The following LDB2 variants were observed in gnomAD, a reference collection of about 807,000 sequenced individuals.
LDB2 encodes LIM domain binding 2.
LDB2 carries 12 observed loss-of-function variants against 44.3 expected under a neutral mutation model. That is an observed-to-expected ratio of 0.27 (90% CI 0.17 to 0.44). The LOEUF (loss-of-function observed/expected upper bound fraction) is 0.44, where lower values mean the gene tolerates loss of function less well. LDB2 is among the 20% of genes least tolerant of loss of function. The probability of loss-of-function intolerance (pLI) is 1.00; values close to 1 mark genes in which losing one functional copy is unlikely to be tolerated. For missense variants in LDB2, 344 were observed against 473.5 expected (o/e 0.73, Z 2.54); for synonymous variants, 164 against 174.8 (o/e 0.94, Z 0.49).
Position 16,685,318 on chromosome 4 carries a change from C to T in LDB2, c.235+73840G>A, listed in dbSNP as rs1876195. ...TTCAATAGGTCTTTGTTTCTGCCTC[C>T]CTAAAATCAGGGAGTTAGCTGAGGT... On this transcript the variant is annotated intron_variant, in intron 2 of 7. Transcript: ENST00000304523. Among the ~76,000 whole-genome samples the T allele has an allele frequency of 2.0e-5, 3 of 152,220 alleles. No individual in the cohort carries two copies. In the South Asian group the frequency reaches 6.2e-4, roughly 32 times the overall value.
chr4:16,694,805 A>G (rs1315015299), intron 2 of LDB2, among the ~76,000 whole-genome samples: 1 of 152,188 alleles, frequency 6.6e-6, no homozygotes. Context: ...AGTTGTGGAG[A>G]GGATTTAAAG....
intron 2 of LDB2, among the ~76,000 whole-genome samples, chr4:16,706,598 C>T (rs157629): frequency 0.24 from 37,029 of 152,080 alleles, 5,268 homozygotes; most frequent in Non-Finnish European, 0.33. Flanking sequence ...GTTATTTATG[C>T]GATAGTAGCA....
At chr4:16,870,925 T>C (rs968454654) in intron 1 of LDB2, among the ~76,000 whole-genome samples, 7 of 152,134 alleles carry the variant, frequency 4.6e-5, no homozygotes, top group Non-Finnish European at 8.8e-5. Flanking sequence ...TGAGCCACCA[T>C]GCCCTGCCTC....
At chr4:16,715,901 A>G (rs1178030877) in intron 2 of LDB2, among the ~76,000 whole-genome samples, 1 of 152,146 alleles carries the variant, frequency 6.6e-6, no homozygotes, top group Non-Finnish European at 1.5e-5. Flanking sequence ...AGTGGCAACT[A>G]TGATATCCTT....
intron 1 of LDB2, among the ~76,000 whole-genome samples, chr4:16,781,992 A>G (rs537567681): frequency 1.2e-4 from 19 of 152,338 alleles, no homozygotes; most frequent in African/African-American, 4.3e-4. Context: ...GCTGATTTCT[A>G]GACTCCAGAA....
chr4:16,638,671 G>A (rs1734287050), intron 2 of LDB2, among the ~76,000 whole-genome samples: 1 of 152,084 alleles, frequency 6.6e-6, no homozygotes, highest in Non-Finnish European at 1.5e-5. Context: ...TCCTTTCATT[G>A]ATGTATTCAT....
At chr4:16,656,480 T>C (rs151146372) in intron 2 of LDB2, among the ~76,000 whole-genome samples, 2 of 152,206 alleles carry the variant, frequency 1.3e-5, no homozygotes, top group East Asian at 3.9e-4. Flanking sequence ...ACACTTGAAA[T>C]GTGACTAGTG....
At chr4:16,562,589 C>T (rs1226749142) in intron 5 of LDB2, among the ~76,000 whole-genome samples, 2 of 152,106 alleles carry the variant, frequency 1.3e-5, no homozygotes, top group African/African-American at 4.8e-5. Flanking sequence ...AGGATGTGGA[C>T]AAATAGGAAC....
intron 2 of LDB2, among the ~76,000 whole-genome samples, chr4:16,668,683 T>C (rs993683456): frequency 6.6e-6 from 1 of 152,176 alleles, no homozygotes; most frequent in Admixed American, 6.5e-5. Context: ...TCCAGATTCT[T>C]TAGAGCAAGT....
intron 2 of LDB2, among the ~76,000 whole-genome samples, chr4:16,628,003 C>T (rs1041397012): frequency 1.8e-4 from 28 of 152,198 alleles, no homozygotes; most frequent in East Asian, 9.7e-4. Flanking sequence ...CATGCCTGCA[C>T]GGTTAAAGAA....
rs80111080 is a variant in LDB2, at chr4:16,849,116, T to C, written c.132+49238A>G. Among the ~76,000 whole-genome samples, 502 of 152,294 alleles carry C rather than the reference T, an allele frequency of 3.3e-3. 2 individuals carry two copies. The highest frequency in any genetic ancestry group is 5.5e-3 in the Non-Finnish European group (371 of 68,028). ...ATGCCTTCAATTTAATCCCAGGCCATTTGCTTCATCCATATTCATTTTTTT... is the reference window on the plus strand; with the variant it reads ...ATGCCTTCAATTTAATCCCAGGCCACTTGCTTCATCCATATTCATTTTTTT... On this transcript the variant is annotated intron_variant, in intron 1 of 7. Transcript: ENST00000304523.
rs146324947 is a variant in LDB2, at chr4:16,762,052, C to T, written c.133-2792G>A. On this transcript the variant is annotated intron_variant, in intron 1 of 7. Coordinates refer to ENST00000304523, the MANE Select transcript of LDB2 (RefSeq NM_001290.5). Reference sequence around the variant, plus strand: ...ATAGAAAATAGAAAAATTGGCCAGCCAGGCGTGGTGGTGGGCACATGTAAT... The same window carrying T: ...ATAGAAAATAGAAAAATTGGCCAGCTAGGCGTGGTGGTGGGCACATGTAAT... Among the ~76,000 whole-genome samples the T allele has an allele frequency of 1.5e-4, 23 of 152,174 alleles. No individual in the cohort carries two copies. In the East Asian group the frequency reaches 4.5e-3, roughly 29 times the overall value.
intron 2 of LDB2, chr4:16,674,146 G>T: frequency 1.2e-6 from 1 of 832,910 alleles, no homozygotes; most frequent in Non-Finnish European, 1.7e-6. Context: ...CCCATTTTAC[G>T]CATTTCCAGA....
Position 16,539,558 on chromosome 4 carries a change from C to T in LDB2, c.616-27454G>A, listed in dbSNP as rs181877515. ...CACCTAGCAGCTTATGAAACACATC[C>T]GCATACACCAGGGCAAATTGCTTGA... On this transcript the variant is annotated intron_variant, in intron 5 of 7. Coordinates refer to ENST00000304523, the MANE Select transcript of LDB2 (RefSeq NM_001290.5). Among the ~76,000 whole-genome samples, 31 of 152,224 alleles carry T rather than the reference C, an allele frequency of 2.0e-4. No homozygotes were observed. The East Asian group carries it at 3.5e-3, about 17-fold the overall frequency.
At chr4:16,581,311 C>T in intron 5 of LDB2, 1 of 673,512 alleles carries the variant, frequency 1.5e-6, no homozygotes, top group Non-Finnish European at 1.8e-6. Context: ...GGTCAAGCAA[C>T]TTGCCCAGGG....
At chr4:16,680,203 G>A (rs2152566918) in intron 2 of LDB2, among the ~76,000 whole-genome samples, 1 of 152,290 alleles carries the variant, frequency 6.6e-6, no homozygotes, top group Middle Eastern at 3.4e-3. Flanking sequence ...GGAACCAAAT[G>A]AGACAGCATC....
chr4:16,838,582 T>TA (rs1785311996), intron 1 of LDB2, among the ~76,000 whole-genome samples: 1 of 152,136 alleles, frequency 6.6e-6, no homozygotes, highest in Non-Finnish European at 1.5e-5. Flanking sequence ...GTCATGTACT[T>TA]AAAAAAGGAC....
intron 2 of LDB2, among the ~76,000 whole-genome samples, chr4:16,620,130 A>AAGAG (rs1178149294): frequency 6.6e-6 from 1 of 152,184 alleles, no homozygotes; most frequent in Non-Finnish European, 1.5e-5. Flanking sequence ...TCCATGAAGG[A>AAGAG]AGAGACCATA....
intron 1 of LDB2, among the ~76,000 whole-genome samples, chr4:16,793,561 C>A (rs1776176950): frequency 6.6e-6 from 1 of 152,044 alleles, no homozygotes; most frequent in African/African-American, 2.4e-5. Flanking sequence ...GGGTTTTTGT[C>A]TTTTAAGCAG....
Sources: allele counts gnomAD v4.1 joint callset (sites outside exome capture counted in the v4.1 genomes callset), GRCh38; gene constraint gnomAD v4.1.1; transcripts MANE v1.5; gene names NCBI Gene and HGNC (gene_info 2026-07-23, HGNC 2026-07-21).